Variants in POU1F1 observed in about 807,000 individuals in gnomAD.
POU1F1 encodes the protein pituitary-specific positive transcription factor 1.
In POU1F1, 23 loss-of-function variants were observed where a neutral mutation model predicts 32.3. The observed-to-expected ratio is 0.71, with a 90% CI of 0.51 to 1.01. The LOEUF (loss-of-function observed/expected upper bound fraction) is 1.01. POU1F1 is among the 50% of genes least tolerant of loss of function. POU1F1 has a pLI of 0.00. For missense variants in POU1F1, 323 were observed against 341.6 expected (o/e 0.95, Z 0.43); for synonymous variants, 120 against 115.6 (o/e 1.04, Z -0.25).
At chr3:87,273,241 A>T in intron 2 of POU1F1, 106 bp downstream of exon 2, 1 of 1,235,938 alleles carries the variant, frequency 8.1e-7, no homozygotes. Flanking sequence ...TTTCAAAGTT[A>T]AGAAATCAAA....
intron 2 of POU1F1, among the ~76,000 whole-genome samples, chr3:87,268,738 C>T (rs1706673164): frequency 6.6e-6 from 1 of 152,152 alleles, no homozygotes; most frequent in African/African-American, 2.4e-5. Flanking sequence ...CTGGACAGCA[C>T]ACACACACAT....
chr3:87,260,993 C>G (rs1481139803), intron 5 of POU1F1, among the ~76,000 whole-genome samples: 2 of 151,810 alleles, frequency 1.3e-5, no homozygotes, highest in Non-Finnish European at 2.9e-5. Context: ...TCACTGCAAC[C>G]TCCGCCTCCC....
chr3:87,264,202 A>G, intron 3 of POU1F1, 86 bp downstream of exon 3: 1 of 1,060,008 alleles, frequency 9.4e-7, no homozygotes, highest in Non-Finnish European at 1.5e-6. Context: ...ATCATCTTGT[A>G]CTTTTTAGCA....
At chr3:87,273,161 G>A (rs1706758559) in intron 2 of POU1F1, among the ~76,000 whole-genome samples, 186 bp downstream of exon 2, 1 of 151,834 alleles carries the variant, frequency 6.6e-6, no homozygotes, top group Middle Eastern at 3.4e-3. Flanking sequence ...AGGGAAATTA[G>A]GTATAACCCC....
intron 2 of POU1F1, among the ~76,000 whole-genome samples, chr3:87,267,915 T>G (rs1706653845): frequency 6.6e-6 from 1 of 152,000 alleles, no homozygotes; most frequent in Admixed American, 6.6e-5. Context: ...CCACAAAAAT[T>G]GAAAGGTAGT....
At chr3:87,269,704 C>CT (rs1262313739) in intron 2 of POU1F1, among the ~76,000 whole-genome samples, 7 of 152,074 alleles carry the variant, frequency 4.6e-5, no homozygotes, top group African/African-American at 1.7e-4. Flanking sequence ...CTTTTAATAT[C>CT]CACTTCTCAT....
chr3:87,262,381 A>T, intron 3 of POU1F1, 146 bp from the exon 4 acceptor site: 1 of 850,916 alleles, frequency 1.2e-6, no homozygotes, highest in Non-Finnish European at 1.8e-6. Context: ...ATTATTTAGT[A>T]AGATTCATTA....
intron 2 of POU1F1, 133 bp from the exon 3 acceptor site, chr3:87,264,645 C>A: frequency 1.4e-6 from 1 of 714,876 alleles, no homozygotes. Flanking sequence ...GGTTACCTTA[C>A]ATTCAGTCTT....
At chr3:87,264,866 C>T (rs1386256623) in intron 2 of POU1F1, among the ~76,000 whole-genome samples, 1 of 152,120 alleles carries the variant, frequency 6.6e-6, no homozygotes, top group African/African-American at 2.4e-5. Context: ...AGGTTGAACT[C>T]TAACCAGAGT....
intron 1 of POU1F1, among the ~76,000 whole-genome samples, chr3:87,275,610 A>C (rs189763167): frequency 1.2e-4 from 19 of 152,180 alleles, no homozygotes; most frequent in Admixed American, 1.1e-3. Context: ...CTGGCAAAAC[A>C]TATGTATTTG....
chr3:87,271,823 G>A (rs993897492), intron 2 of POU1F1, among the ~76,000 whole-genome samples: 18 of 152,008 alleles, frequency 1.2e-4, no homozygotes, highest in South Asian at 6.2e-4. Flanking sequence ...AAGACGTCAG[G>A]ATTTACAGGT....
chr3:87,271,560 T>C (rs1233358333), intron 2 of POU1F1, among the ~76,000 whole-genome samples: 3 of 152,160 alleles, frequency 2.0e-5, no homozygotes, highest in Non-Finnish European at 2.9e-5. Context: ...GTAAGGTCTT[T>C]CCTCCAGGAA....
chr3:87,272,159 T>G (rs1396507247), intron 2 of POU1F1, among the ~76,000 whole-genome samples: 1 of 151,978 alleles, frequency 6.6e-6, no homozygotes, highest in Admixed American at 6.6e-5. Flanking sequence ...GTGATTCCTT[T>G]ATCCACAGTT....
intron 1 of POU1F1, among the ~76,000 whole-genome samples, chr3:87,275,650 G>T (rs1706812709): frequency 6.6e-6 from 1 of 152,002 alleles, no homozygotes; most frequent in South Asian, 2.1e-4. Flanking sequence ...TGAATTCTTA[G>T]GTTTAATTTT....
chr3:87,273,530 T>A lies in POU1F1; in HGVS notation c.143-112A>T, dbSNP rs372034798. 2.9e-5 allele frequency: 44 copies of A among 1,511,344 alleles called. No individual in the cohort carries two copies. In the African/African-American group the frequency reaches 5.6e-4, roughly 19 times the overall value. The allele number at this position is 1,511,344 out of a possible 1,614,324, so 93.6% of individuals were successfully genotyped here. ...AAAATGTATAAGGATTCAAGACACA[T>A]TCGTTTTATTTCAAAAATACACATT... is the stretch of plus-strand genomic sequence containing the variant. On this transcript the variant is annotated intron_variant, in intron 1 of 5. Coordinates refer to ENST00000350375, the MANE Select transcript of POU1F1 (RefSeq NM_000306.4).
intron 1 of POU1F1, among the ~76,000 whole-genome samples, chr3:87,275,821 ACT>A (rs779124408): frequency 1.8e-4 from 27 of 151,722 alleles, no homozygotes; most frequent in East Asian, 3.9e-4. Context: ...GTTAATTAAA[ACT>A]CTATTTTATT....
At chr3:87,273,742 T>C (rs538917375) in intron 1 of POU1F1, among the ~76,000 whole-genome samples, 1 of 152,292 alleles carries the variant, frequency 6.6e-6, no homozygotes, top group South Asian at 2.1e-4. Flanking sequence ...AAGGGGTGAC[T>C]GACCAATTTA....
chr3:87,276,038 A>G (rs1273149650), intron 1 of POU1F1, among the ~76,000 whole-genome samples: 2 of 152,082 alleles, frequency 1.3e-5, no homozygotes, highest in African/African-American at 2.4e-5. Context: ...AGGTTTTTAG[A>G]TTTAAAATGT....
chr3:87,276,319 A>G lies in POU1F1; in HGVS notation c.142+2T>C. On this transcript the variant is annotated splice_donor_variant, in intron 1 of 5. Transcript: ENST00000350375. LOFTEE classifies it high-confidence loss of function. ...TATGTAAACTGTCATAGGAGTCAGT[A>G]CCTGTAGACATCACATTGGTGGCAT... 2 of 1,613,874 alleles carry G rather than the reference A, an allele frequency of 1.2e-6. No homozygotes were observed. Among genetic ancestry groups the G allele is most frequent in the Non-Finnish European group, 1.7e-6 (2 of 1,179,768 alleles).
Sources: gnomAD v4.1 joint callset for allele counts (sites outside exome capture counted in the v4.1 genomes callset) on GRCh38, gnomAD v4.1.1 for gene constraint, MANE v1.5 for transcripts, NCBI Gene and HGNC (gene_info 2026-07-23, HGNC 2026-07-21) for gene names.